PAK3: variants seen among roughly 807,000 people sequenced by gnomAD.
The protein encoded by PAK3 is serine/threonine-protein kinase PAK 3.
PAK3 carries 4 observed loss-of-function variants against 41.0 expected under a neutral mutation model. The observed-to-expected ratio is 0.10, with a 90% CI of 0.05 to 0.22. PAK3 has a LOEUF of 0.22. Among genes scored for constraint, PAK3 ranks in the 10% least tolerant of loss-of-function variants. The pLI, the probability that PAK3 is intolerant of heterozygous loss-of-function variation, is 1.00. For synonymous variants in PAK3, 146 were observed against 139.6 expected (o/e 1.05, Z -0.32); for missense variants, 205 against 409.9 (o/e 0.50, Z 4.32).
intron 1 of PAK3, among the ~76,000 whole-genome samples, chrX:111,090,865 C>T (rs2092924439): frequency 8.9e-6 from 1 of 112,241 alleles, no homozygotes; most frequent in Non-Finnish European, 1.9e-5. Flanking sequence ...CTTTTTCCTT[C>T]TTAGTAAAAT....
rs893552652 is a variant in PAK3, at chrX:111,221,500, C to T, written c.*1053C>T. 3 of 112,291 alleles carry T rather than the reference C, an allele frequency of 2.7e-5. No homozygotes were observed. Among genetic ancestry groups the T allele is most frequent in the Non-Finnish European group, 3.8e-5 (2 of 53,194 alleles). 9.3% of individuals were successfully genotyped at this position (112,291 alleles called of 1,213,427 possible). On this transcript the variant is annotated 3_prime_UTR_variant, in exon 18 of 18. Transcript: ENST00000372007. ...ATAATGATACCTAAATTAATCCTCTCTTGTGCTTATGAAACATATGCACTG... is the reference window on the plus strand; with the variant it reads ...ATAATGATACCTAAATTAATCCTCTTTTGTGCTTATGAAACATATGCACTG...
chrX:111,194,501 A>G (rs1227836908), intron 14 of PAK3, 83 bp downstream of exon 14: 2 of 610,420 alleles, frequency 3.3e-6, no homozygotes, highest in Non-Finnish European at 5.7e-6. Context: ...TGTTTGTATC[A>G]TCAAAGTAAC....
intron 1 of PAK3, among the ~76,000 whole-genome samples, chrX:110,986,549 A>G (rs768079075): frequency 4.5e-5 from 5 of 111,878 alleles, no homozygotes; most frequent in African/African-American, 1.6e-4. Context: ...TGAAAACACA[A>G]TTTGAGGCCA....
chrX:110,986,243 C>A (rs959499876), intron 1 of PAK3, among the ~76,000 whole-genome samples: 2 of 111,790 alleles, frequency 1.8e-5, no homozygotes, highest in African/African-American at 6.5e-5. Flanking sequence ...GAAGCACTAC[C>A]TCTGAGGTGA....
intron 4 of PAK3, among the ~76,000 whole-genome samples, chrX:111,110,134 C>T (rs921592637): frequency 4.5e-5 from 5 of 112,219 alleles, no homozygotes; most frequent in African/African-American, 1.3e-4. Context: ...TGAATGATAG[C>T]GATTTTGTTT....
chrX:110,959,664 C>G (rs1309749551), intron 1 of PAK3, among the ~76,000 whole-genome samples: 4 of 111,275 alleles, frequency 3.6e-5, no homozygotes, highest in African/African-American at 1.3e-4. Context: ...GGTTTTCACA[C>G]CACTGGTACC....
At chrX:111,021,516 T>C (rs1045318347) in intron 1 of PAK3, among the ~76,000 whole-genome samples, 1 of 111,406 alleles carries the variant, frequency 9.0e-6, no homozygotes, top group Non-Finnish European at 1.9e-5. Flanking sequence ...GGAGCACCCA[T>C]GAGACAAAAC....
At position 111,036,232 on chromosome X, in the gene PAK3, C is replaced by A. The variant is rs913119327; in HGVS notation, c.-27-86845C>A. Among the ~76,000 whole-genome samples the A allele has an allele frequency of 1.1e-4, 12 of 111,996 alleles. 1 individual carries two copies. The Admixed American group carries it at 1.1e-3, about 11-fold the overall frequency. Reference sequence around the variant, plus strand: ...TTAAGTAGGTAGATAGGCTTGTGGCCCCAACAACAGCTGTTTCCTCACACA... The same window carrying A: ...TTAAGTAGGTAGATAGGCTTGTGGCACCAACAACAGCTGTTTCCTCACACA... On this transcript the variant is annotated intron_variant, in intron 1 of 14. Transcript: ENST00000425146.
chrX:110,954,523 C>A (rs985455659), intron 1 of PAK3, among the ~76,000 whole-genome samples: 5 of 111,668 alleles, frequency 4.5e-5, no homozygotes, highest in African/African-American at 1.6e-4. Context: ...GAGTGTTCTA[C>A]TATTAAGGGC....
At chrX:111,081,016 T>C (rs1391206368) in intron 1 of PAK3, among the ~76,000 whole-genome samples, 2 of 111,375 alleles carry the variant, frequency 1.8e-5, no homozygotes, top group African/African-American at 3.3e-5. Context: ...CACTTATATG[T>C]GGAATTTTAA....
At chrX:111,144,287 A>G (rs1456060788) in intron 6 of PAK3, among the ~76,000 whole-genome samples, 1 of 112,056 alleles carries the variant, frequency 8.9e-6, no homozygotes, top group Non-Finnish European at 1.9e-5. Context: ...TTACGAATCC[A>G]TTGAATATAT....
At chrX:111,196,728 A>C in intron 16 of PAK3, 88 bp downstream of exon 16, 1 of 642,221 alleles carries the variant, frequency 1.6e-6, no homozygotes, top group Non-Finnish European at 2.6e-6. Flanking sequence ...AGTGACCAGA[A>C]TGGGCTCTTT....
At chrX:111,035,182 A>C (rs1432953820) in intron 1 of PAK3, among the ~76,000 whole-genome samples, 1 of 109,222 alleles carries the variant, frequency 9.2e-6, no homozygotes, top group African/African-American at 3.3e-5. Flanking sequence ...AAAGAAAAAA[A>C]GAAACGGTAA....
At chrX:110,959,139 G>A (rs974739905) in intron 1 of PAK3, among the ~76,000 whole-genome samples, 11 of 111,771 alleles carry the variant, frequency 9.8e-5, no homozygotes, top group East Asian at 5.6e-4. Context: ...ATGGTCTCAC[G>A]GGAATGTGTG....
At chrX:110,996,823 G>C (rs2091748535) in intron 1 of PAK3, among the ~76,000 whole-genome samples, 1 of 112,167 alleles carries the variant, frequency 8.9e-6, no homozygotes, top group East Asian at 2.8e-4. Context: ...ATAAATGTCT[G>C]TTGTTCAAGC....
At chrX:111,186,956 AG>A (rs2094517216) in intron 11 of PAK3, among the ~76,000 whole-genome samples, 1 of 111,763 alleles carries the variant, frequency 8.9e-6, no homozygotes, top group Non-Finnish European at 1.9e-5. Context: ...TTTCTTTGGG[AG>A]TATACACTAC....
intron 1 of PAK3, among the ~76,000 whole-genome samples, chrX:110,996,344 G>T (rs145798037): frequency 2.7e-5 from 3 of 112,174 alleles, no homozygotes; most frequent in South Asian, 3.7e-4. Flanking sequence ...AATTAAACTA[G>T]TGGACATACT....
chrX:110,964,881 T>TGCTGGCTGGCTG (rs1481241999), intron 1 of PAK3, among the ~76,000 whole-genome samples: 5 of 111,128 alleles, frequency 4.5e-5, no homozygotes, highest in Non-Finnish European at 3.8e-5. Flanking sequence ...CTGGCTGGCT[T>TGCTGGCTGGCTG]GCTGGCTGGC....
intron 3 of PAK3, chrX:111,098,544 C>G (rs1356861338): frequency 9.0e-6 from 1 of 110,862 alleles, no homozygotes; most frequent in Non-Finnish European, 1.9e-5. Flanking sequence ...CAACAGCATC[C>G]CCACCCACGT....
Sources: gnomAD v4.1 joint callset for allele counts (sites outside exome capture counted in the v4.1 genomes callset) on GRCh38, gnomAD v4.1.1 for gene constraint, MANE v1.5 for transcripts, NCBI Gene and HGNC (gene_info 2026-07-23, HGNC 2026-07-21) for gene names.